DNAJC6: variants seen among roughly 807,000 people sequenced by gnomAD.
DNAJC6 encodes the protein DnaJ heat shock protein family (Hsp40) member C6.
In DNAJC6, 34 loss-of-function variants were observed where a neutral mutation model predicts 110.0. The ratio of observed to expected loss-of-function variants is 0.31; its 90% CI spans 0.24 to 0.41. The LOEUF is 0.41. Among genes scored for constraint, DNAJC6 ranks in the 10% least tolerant of loss-of-function variants. The probability of loss-of-function intolerance (pLI) is 1.00; values close to 1 mark genes in which losing one functional copy is unlikely to be tolerated. For synonymous variants in DNAJC6, 406 were observed against 437.2 expected (o/e 0.93, Z 0.89); for missense variants, 1,031 against 1,207.8 (o/e 0.85, Z 2.17).
At chr1:65,347,841 T>C (rs1358111595) in intron 1 of DNAJC6, among the ~76,000 whole-genome samples, 1 of 152,180 alleles carries the variant, frequency 6.6e-6, no homozygotes, top group Non-Finnish European at 1.5e-5. Flanking sequence ...CATATATTGG[T>C]TGACTCCCTC....
intron 11 of DNAJC6, 32 bp from the exon 12 acceptor site, chr1:65,392,372 AAAAACCAACAATGCTGTGGTCAGCAAC>A: frequency 6.8e-7 from 1 of 1,464,944 alleles, no homozygotes; most frequent in Non-Finnish European, 9.1e-7. Flanking sequence ...ATATTATAAC[AAAAACCAACAATGCTGTGGTCAGCAAC>A]TAATCTCTTA....
At chr1:65,338,501 G>A (rs1464063277) in intron 1 of DNAJC6, among the ~76,000 whole-genome samples, 2 of 152,086 alleles carry the variant, frequency 1.3e-5, no homozygotes, top group Admixed American at 6.6e-5. Context: ...GGCTCATTTT[G>A]CTATCACTTT....
In DNAJC6 at chr1:65,379,357, G is replaced by A. The variant is rs145570226; in HGVS notation, c.544-45G>A. The A allele has an allele frequency of 9.7e-4, 1,564 of 1,610,504 alleles. 12 individuals carry two copies. The African/African-American group carries it at 0.018, about 19-fold the overall frequency. On this transcript the variant is annotated intron_variant, in intron 4 of 18. Coordinates refer to ENST00000371069, the MANE Select transcript of DNAJC6 (RefSeq NM_001256864.2). The stretch of plus-strand genomic sequence containing the variant: ...TGGTGTGATAACCTGCTTATGAAGA[G>A]GAAGTTGCTGGAGGAATTAATTTCC...
At chr1:65,314,616 G>A (rs188879397) in intron 1 of DNAJC6, among the ~76,000 whole-genome samples, 14 of 152,194 alleles carry the variant, frequency 9.2e-5, no homozygotes, top group Admixed American at 3.3e-4. Context: ...AGCCTCCTGA[G>A]TAACTGGGAT....
In DNAJC6 at chr1:65,385,787, G is replaced by A. The variant is rs760004676; in HGVS notation, c.876G>A (p.Ser292=). 46 of 1,613,902 alleles carry A rather than the reference G, an allele frequency of 2.9e-5. No individual in the cohort carries two copies. The highest frequency in any genetic ancestry group is 3.3e-4 in the Middle Eastern group (2 of 6,084). ...RPHFKPLTIK[S]ITVSPIPFFN... ...ACTTCAAGCCTCTCACAATTAAGTCGATCACTGTCAGTCCAATACCCTTTT... is the reference window on the plus strand; with the variant it reads ...ACTTCAAGCCTCTCACAATTAAGTCAATCACTGTCAGTCCAATACCCTTTT... The change falls in exon 7 of 19, where the codon TCG becomes TCA. Residue 292 remains serine, a synonymous_variant. Coordinates refer to ENST00000371069, the MANE Select transcript of DNAJC6 (RefSeq NM_001256864.2).
Position 65,338,482 on chromosome 1 carries a change from G to A in DNAJC6, c.194-26153G>A, listed in dbSNP as rs192311101. Among the ~76,000 whole-genome samples, 129 of 152,006 alleles carry A rather than the reference G, an allele frequency of 8.5e-4. 1 individual carries two copies. Among genetic ancestry groups the A allele is most frequent in the African/African-American group, 3.0e-3 (123 of 41,480 alleles). On this transcript the variant is annotated intron_variant, in intron 1 of 18. Coordinates refer to ENST00000371069, the MANE Select transcript of DNAJC6 (RefSeq NM_001256864.2). The stretch of plus-strand genomic sequence containing the variant: ...ATATCATCAATTTCATACTAAGCTG[G>A]GTTGGTTTGGCTCATTTTGCTATCA...
chr1:65,304,394 T>C (rs2101315958), intron 1 of DNAJC6, among the ~76,000 whole-genome samples: 1 of 152,344 alleles, frequency 6.6e-6, no homozygotes, highest in East Asian at 1.9e-4. Context: ...TGTTGCTTTA[T>C]ATGTCGCTCT....
Position 65,304,209 on chromosome 1 carries a change from G to A in DNAJC6, c.-131+39277G>A, listed in dbSNP as rs74083022. Reference sequence around the variant, plus strand: ...GGGTTATCTTAAAGAAAAAAAAAAAGCCCTACCTGGGAAATTTGTCCTATT... The same window carrying A: ...GGGTTATCTTAAAGAAAAAAAAAAAACCCTACCTGGGAAATTTGTCCTATT... On this transcript the variant is annotated intron_variant, in intron 1 of 19. Transcript: ENST00000263441. Among the ~76,000 whole-genome samples the A allele has an allele frequency of 3.1e-3, 468 of 150,002 alleles. 1 individual carries two copies. Among genetic ancestry groups the A allele is most frequent in the African/African-American group, 0.011 (450 of 40,988 alleles).
At chr1:65,344,445 C>T (rs1044919280) in intron 1 of DNAJC6, among the ~76,000 whole-genome samples, 4 of 152,182 alleles carry the variant, frequency 2.6e-5, no homozygotes, top group African/African-American at 7.2e-5. Context: ...GCATGACATC[C>T]GACTCTTTTG....
rs748705237 is a variant in DNAJC6 at position 65,309,895 on chromosome 1, C to T, written c.150C>T (p.Pro50=). Residue 50 remains proline (P), a synonymous_variant, in exon 1 of 19, where the codon CCC becomes CCT. Transcript: ENST00000371069. ...RVNAGAAARS[P]ARQPPDRAST... is the part of the protein sequence containing the mutation. ...ACGCCGGGGCAGCGGCGCGGAGTCCCGCCCGACAGCCTCCGGACCGCGCCA... is the reference window on the plus strand; with the variant it reads ...ACGCCGGGGCAGCGGCGCGGAGTCCTGCCCGACAGCCTCCGGACCGCGCCA... 6.5e-7 allele frequency: 1 copy of T among 1,541,430 alleles called. No homozygotes were observed. The highest frequency in any genetic ancestry group is 8.8e-7 in the Non-Finnish European group (1 of 1,142,366).
intron 1 of DNAJC6, among the ~76,000 whole-genome samples, chr1:65,322,419 CTATACATGCTATTA>C (rs1645205473): frequency 6.6e-6 from 1 of 152,156 alleles, no homozygotes; most frequent in Admixed American, 6.5e-5. Flanking sequence ...TGGAATCCAT[CTATACATGCTATTA>C]TATAATGTGA....
intron 5 of DNAJC6, among the ~76,000 whole-genome samples, chr1:65,380,782 A>G (rs1439287624): frequency 6.6e-6 from 1 of 152,146 alleles, no homozygotes; most frequent in East Asian, 1.9e-4. Flanking sequence ...AGGCAAACAA[A>G]AGATTATGGT....
At chr1:65,386,731 C>T (rs1645876535) in intron 7 of DNAJC6, 81 bp from the exon 8 acceptor site, 3 of 1,206,494 alleles carry the variant, frequency 2.5e-6, no homozygotes, top group Admixed American at 3.6e-5. Flanking sequence ...TGGGCCAGAG[C>T]CATAGAGAAC....
chr1:65,377,194 A>G (rs1222856921), intron 4 of DNAJC6, among the ~76,000 whole-genome samples: 1 of 152,268 alleles, frequency 6.6e-6, no homozygotes, highest in Non-Finnish European at 1.5e-5. Flanking sequence ...AATGTCAATA[A>G]GGCCTATTAG....
At chr1:65,370,137 C>G (rs576245026) in intron 4 of DNAJC6, among the ~76,000 whole-genome samples, 1 of 152,064 alleles carries the variant, frequency 6.6e-6, no homozygotes, top group African/African-American at 2.4e-5. Context: ...TGGAGACCAA[C>G]AAGATGCATC....
chr1:65,309,587 A>C lies in DNAJC6; in HGVS notation c.-159A>C. Reference sequence around the variant, plus strand: ...GCGGCGGCTTCGCCTCGCCCGGCGAAGCTTCTCTCCGGTGGCCGCTCCTTC... The same window carrying C: ...GCGGCGGCTTCGCCTCGCCCGGCGACGCTTCTCTCCGGTGGCCGCTCCTTC... On this transcript the variant is annotated 5_prime_UTR_variant, in exon 1 of 19. Transcript: ENST00000371069. 7.8e-7 allele frequency: 1 copy of C among 1,276,062 alleles called. No individual in the cohort carries two copies. The highest frequency in any genetic ancestry group is 1.8e-5 in the South Asian group (1 of 54,850). 79.0% of individuals were successfully genotyped at this position (1,276,062 alleles called of 1,614,324 possible). A position where few individuals can be genotyped will look rare whatever the true frequency, so the allele number is the denominator to read the frequency against.
At chr1:65,370,345 G>A (rs988101915) in intron 4 of DNAJC6, among the ~76,000 whole-genome samples, 11 of 152,116 alleles carry the variant, frequency 7.2e-5, no homozygotes, top group Admixed American at 1.3e-4. Context: ...AACCAACACC[G>A]CTATCTATAC....
chr1:65,296,320 C>G (rs1219912808), intron 1 of DNAJC6, among the ~76,000 whole-genome samples: 1 of 152,162 alleles, frequency 6.6e-6, no homozygotes, highest in African/African-American at 2.4e-5. Context: ...ATCTGTTTGT[C>G]TACTTTAATA....
intron 1 of DNAJC6, among the ~76,000 whole-genome samples, chr1:65,283,318 T>C (rs1653911226): frequency 6.6e-6 from 1 of 152,166 alleles, no homozygotes; most frequent in Admixed American, 6.5e-5. Flanking sequence ...TTCCCGGTCC[T>C]TAACCCTTGG....
Sources: gnomAD v4.1 joint callset for allele counts (sites outside exome capture counted in the v4.1 genomes callset) on GRCh38, gnomAD v4.1.1 for gene constraint, MANE v1.5 for transcripts, NCBI Gene and HGNC (gene_info 2026-07-23, HGNC 2026-07-21) for gene names.